MELTF: variants seen among roughly 807,000 people sequenced by gnomAD.
MELTF encodes antigen p97 (melanoma associated) identified by monoclonal antibodies 133.2 and 96.5.
In MELTF, 67 loss-of-function variants were observed where a neutral mutation model predicts 83.7. The ratio of observed to expected loss-of-function variants is 0.80; its 90% CI spans 0.66 to 0.98. MELTF has a LOEUF of 0.98. Ranked by LOEUF, MELTF falls within the 50% of genes least tolerant of loss-of-function variation. MELTF has a pLI of 0.00. For synonymous variants in MELTF, 462 were observed against 447.6 expected (o/e 1.03, Z -0.41); for missense variants, 1,002 against 1,035.6 (o/e 0.97, Z 0.44).
rs79032048 is a variant in MELTF, at chr3:197,008,097, T to C, written c.1750+560A>G. Among the ~76,000 whole-genome samples, 36 of 152,208 alleles carry C rather than the reference T, an allele frequency of 2.4e-4. No individual in the cohort carries two copies. Among genetic ancestry groups the C allele is most frequent in the Non-Finnish European group, 4.6e-4 (31 of 68,000 alleles). Reference sequence around the variant, plus strand: ...GGGAGCGTGTGCTCTGATAGGACCATGTATGTACTGGGGTCCCGGAGCAGA... The same window carrying C: ...GGGAGCGTGTGCTCTGATAGGACCACGTATGTACTGGGGTCCCGGAGCAGA... On this transcript the variant is annotated intron_variant, in intron 13 of 15. Coordinates refer to ENST00000296350, the MANE Select transcript of MELTF (RefSeq NM_005929.6). This position sits in a 1 kb window ranked among gnomAD's most constrained non-coding sequence, Gnocchi z 5.4.
At chr3:197,016,143 G>C in intron 8 of MELTF, 46 bp downstream of exon 8, 1 of 1,451,718 alleles carries the variant, frequency 6.9e-7, no homozygotes, top group Non-Finnish European at 9.1e-7. Flanking sequence ...CATGCCCGAG[G>C]TTGAGCTGGG....
rs143266319 is a variant in MELTF at position 197,024,428 on chromosome 3, A to G, written c.362T>C (p.Ile121Thr). The G allele has an allele frequency of 4.7e-5, 76 of 1,610,260 alleles. 1 individual carries two copies. The highest frequency in any genetic ancestry group is 1.2e-4 in the South Asian group (11 of 90,874). Reference protein sequence around the residue: ...AVVRRSSHVTIDTLKGVKSCH... With the variant: ...AVVRRSSHVTTDTLKGVKSCH... Reference sequence around the variant, plus strand: ...GGACTTCACGCCTTTCAGGGTGTCAATGGTCACATGGGAGCTCCTCCTGAC... The same window carrying G: ...GGACTTCACGCCTTTCAGGGTGTCAGTGGTCACATGGGAGCTCCTCCTGAC... Residue 121 changes from isoleucine to threonine, a missense_variant, in exon 4 of 16, where the codon ATT becomes ACT. Ile to Thr is a moderately conservative substitution (Grantham distance 89, BLOSUM62 -1). Transcript: ENST00000296350. This position sits in a 1 kb window ranked among gnomAD's most constrained non-coding sequence, Gnocchi z 5.3.
At position 197,010,782 on chromosome 3, in the gene MELTF, C is replaced by G; in HGVS notation, c.1246G>C (p.Asp416His). 1.2e-6 allele frequency: 2 copies of G among 1,613,560 alleles called. No homozygotes were observed. Among genetic ancestry groups the G allele is most frequent in the Non-Finnish European group, 1.7e-6 (2 of 1,180,018 alleles). Reference sequence around the variant, plus strand: ...TCCTCGCCACTCAGGGTCACAGCGTCGACCTGCTCAGCCTGAAGGGAATAG... The same window carrying G: ...TCCTCGCCACTCAGGGTCACAGCGTGGACCTGCTCAGCCTGAAGGGAATAG... ...CMERIQAEQV[D>H]AVTLSGEDIY... Residue 416 changes from aspartate (D) to histidine (H), a missense_variant, in exon 10 of 16, where the codon GAC becomes CAC. Asp to His is a moderately conservative substitution (Grantham distance 81). Coordinates refer to ENST00000296350, the MANE Select transcript of MELTF (RefSeq NM_005929.6).
chr3:197,006,397 G>A lies in MELTF; in HGVS notation c.1938+152C>T, dbSNP rs1205789782. Reference sequence around the variant, plus strand: ...CAGGAGGCAGAGGGGACAGTTTCTGGAGGGATGTCCTTGCGTAAGTGAAAA... The same window carrying A: ...CAGGAGGCAGAGGGGACAGTTTCTGAAGGGATGTCCTTGCGTAAGTGAAAA... On this transcript the variant is annotated intron_variant, in intron 14 of 15. Transcript: ENST00000296350. This position sits in a 1 kb window ranked among gnomAD's most constrained non-coding sequence, Gnocchi z 5.4. 1.5e-6 allele frequency: 1 copy of A among 650,796 alleles called. No individual in the cohort carries two copies. Among genetic ancestry groups the A allele is most frequent in the Non-Finnish European group, 2.5e-6 (1 of 401,032 alleles). The allele number at this position is 650,796 out of a possible 1,614,324, so 40.3% of individuals were successfully genotyped here. A position where few individuals can be genotyped will look rare whatever the true frequency, so the allele number is the denominator to read the frequency against.
Position 197,006,789 on chromosome 3 carries a change from G to A in MELTF, c.1751-53C>T. On this transcript the variant is annotated intron_variant, in intron 13 of 15. Transcript: ENST00000296350. The surrounding 1 kb of genome is among the most constrained non-coding windows in gnomAD (Gnocchi z 5.4). ...GGACGTTCCGGGAGTGGAGAGAAGT[G>A]TAAAGAGAAGCTGCTATCCTGGGAC... The A allele has an allele frequency of 7.0e-7, 1 of 1,426,296 alleles. No homozygotes were observed. The highest frequency in any genetic ancestry group is 1.5e-5 in the South Asian group (1 of 64,728). The allele number at this position is 1,426,296 out of a possible 1,614,324, so 88.4% of individuals were successfully genotyped here.
chr3:197,001,758 C>G lies in MELTF; in HGVS notation c.*1614G>C, dbSNP rs966701555. Reference sequence around the variant, plus strand: ...GCAGAAGTTTCTATCAGGGTCCAAGCCTCTGCATGTGCTGGCTTGTTTGGC... The same window carrying G: ...GCAGAAGTTTCTATCAGGGTCCAAGGCTCTGCATGTGCTGGCTTGTTTGGC... On this transcript the variant is annotated 3_prime_UTR_variant, in exon 16 of 16. Transcript: ENST00000296350. 1.3e-5 allele frequency: 2 copies of G among 152,012 alleles called. No homozygotes were observed. Among genetic ancestry groups the G allele is most frequent in the Non-Finnish European group, 2.9e-5 (2 of 68,010 alleles). The allele number at this position is 152,012 out of a possible 1,614,324, so 9.4% of individuals were successfully genotyped here.
chr3:197,015,504 TA>T lies in MELTF; in HGVS notation c.1093del (p.Tyr365ThrfsTer54), dbSNP rs776364538. 5.0e-6 allele frequency: 8 copies of T among 1,610,370 alleles called. No homozygotes were observed. In the South Asian group the frequency reaches 6.6e-5, roughly 13 times the overall value. On this transcript the variant is annotated frameshift_variant, in exon 9 of 16. Transcript: ENST00000296350. LOFTEE classifies it high-confidence loss of function. ...LLCDPNRLPP[Y>X]LRWCVLSTPE... ...AGTGGAGAGCACACACCAGCGCAGG[TA>T]GGGGGGCAGCCCTGGGGTGGGGCAA...
chr3:197,016,121 A>T lies in MELTF; in HGVS notation c.1081+68T>A, dbSNP rs1719361516. 5 of 1,375,828 alleles carry T rather than the reference A, an allele frequency of 3.6e-6. No individual in the cohort carries two copies. The South Asian group carries it at 8.3e-5, about 23-fold the overall frequency. The allele number at this position is 1,375,828 out of a possible 1,614,324, so 85.2% of individuals were successfully genotyped here. A position where few individuals can be genotyped will look rare whatever the true frequency, so the allele number is the denominator to read the frequency against. On this transcript the variant is annotated intron_variant, in intron 8 of 15. Transcript: ENST00000296350. Reference sequence around the variant, plus strand: ...AGCGTCTTCCCCCGGCCACTTTCCCAGAGAGCCTCGCCATGCCCGAGGTTG... The same window carrying T: ...AGCGTCTTCCCCCGGCCACTTTCCCTGAGAGCCTCGCCATGCCCGAGGTTG...
At chr3:197,010,861 G>A (rs1490902710) in intron 9 of MELTF, 67 bp from the exon 10 acceptor site, 2 of 1,440,014 alleles carry the variant, frequency 1.4e-6, no homozygotes, top group Non-Finnish European at 1.9e-6. Context: ...TCGGGGTCCT[G>A]TGGAGGTGGC....
At position 197,024,049 on chromosome 3, in the gene MELTF, T is replaced by C; in HGVS notation, c.487+254A>G. On this transcript the variant is annotated intron_variant, in intron 4 of 15. Transcript: ENST00000296350. The surrounding 1 kb of genome is among the most constrained non-coding windows in gnomAD (Gnocchi z 5.3). ...CTCATGGGCTGGGCCTGTGCCTGGC[T>C]GTGCCATGTGGGACACCACGATGCG... The C allele has an allele frequency of 3.1e-6, 2 of 640,582 alleles. No individual in the cohort carries two copies. The highest frequency in any genetic ancestry group is 5.8e-6 in the Non-Finnish European group (2 of 347,300). 39.7% of individuals were successfully genotyped at this position (640,582 alleles called of 1,614,324 possible).
chr3:197,025,549 G>A (rs958928993), intron 3 of MELTF: 2 of 152,192 alleles, frequency 1.3e-5, no homozygotes, highest in Non-Finnish European at 2.9e-5. Flanking sequence ...GTATTGTTTT[G>A]GGTGTGTTTA....
chr3:197,020,328 T>A (rs923263187), intron 6 of MELTF, among the ~76,000 whole-genome samples: 1 of 152,190 alleles, frequency 6.6e-6, no homozygotes, highest in African/African-American at 2.4e-5. Flanking sequence ...GAATCTGCAA[T>A]ATCGGCTATA....
chr3:197,027,225 G>C (rs944403473), intron 2 of MELTF, among the ~76,000 whole-genome samples: 1 of 152,172 alleles, frequency 6.6e-6, no homozygotes, highest in Non-Finnish European at 1.5e-5. Context: ...GGGGGCATAT[G>C]GGGGGCAGAG....
Position 197,007,768 on chromosome 3 carries a change from C to T in MELTF, c.1750+889G>A, listed in dbSNP as rs1719031989. ...TGGTGACCCCCATAGGAGGCAAGAT[C>T]CAAGTTTTGAAACACTAACTGAGGT... On this transcript the variant is annotated intron_variant, in intron 13 of 15. Coordinates refer to ENST00000296350, the MANE Select transcript of MELTF (RefSeq NM_005929.6). This position sits in a 1 kb window ranked among gnomAD's most constrained non-coding sequence, Gnocchi z 4.3. 6.6e-6 allele frequency among the ~76,000 whole-genome samples: 1 copy of T among 152,224 alleles called. No homozygotes were observed. Among genetic ancestry groups the T allele is most frequent in the African/African-American group, 2.4e-5 (1 of 41,446 alleles).
chr3:197,008,777 C>T lies in MELTF; in HGVS notation c.1682+32G>A, dbSNP rs544848332. 1 of 1,613,950 alleles carries T rather than the reference C, an allele frequency of 6.2e-7. No homozygotes were observed. The highest frequency in any genetic ancestry group is 1.3e-5 in the African/African-American group (1 of 75,060). On this transcript the variant is annotated intron_variant, in intron 12 of 15. Coordinates refer to ENST00000296350, the MANE Select transcript of MELTF (RefSeq NM_005929.6). The surrounding 1 kb of genome is among the most constrained non-coding windows in gnomAD (Gnocchi z 5.4). ...CGGCAGGAGGGTCCCAGCCTCTGCACACAGCCCCAGACTGCCAGGCCACCC... is the reference window on the plus strand; with the variant it reads ...CGGCAGGAGGGTCCCAGCCTCTGCATACAGCCCCAGACTGCCAGGCCACCC...
intron 9 of MELTF, 66 bp downstream of exon 9, chr3:197,015,299 T>A: frequency 6.7e-7 from 1 of 1,493,230 alleles, no homozygotes; most frequent in Non-Finnish European, 9.0e-7. Context: ...GTGTGGGTAG[T>A]AAGAACTGCC....
At chr3:197,012,057 T>G (rs1276943862) in intron 9 of MELTF, among the ~76,000 whole-genome samples, 1 of 152,038 alleles carries the variant, frequency 6.6e-6, no homozygotes, top group Non-Finnish European at 1.5e-5. Context: ...CCGGTGGAGG[T>G]TCCTCTGTCA....
rs1331743332 is a variant in MELTF at position 197,027,480 on chromosome 3, T to C, written c.204+276A>G. ...TGCGGCCACTGAGGGGCCGCCACCA[T>C]CTGGGCCCCCTTGGCAGGGGCCTTG... On this transcript the variant is annotated intron_variant, in intron 2 of 15. Coordinates refer to ENST00000296350, the MANE Select transcript of MELTF (RefSeq NM_005929.6). 2.0e-5 allele frequency among the ~76,000 whole-genome samples: 3 copies of C among 152,302 alleles called. No homozygotes were observed. In the South Asian group the frequency reaches 6.2e-4, roughly 32 times the overall value.
chr3:197,018,918 A>G, intron 6 of MELTF: 1 of 984,200 alleles, frequency 1.0e-6, no homozygotes, highest in Non-Finnish European at 1.2e-6. Context: ...TATTGAGAAG[A>G]CGAATATTAA....
Sources: allele counts gnomAD v4.1 joint callset (sites outside exome capture counted in the v4.1 genomes callset), GRCh38; gene constraint gnomAD v4.1.1; non-coding constraint Gnocchi (gnomAD v3.1); transcripts MANE v1.5; gene names NCBI Gene and HGNC (gene_info 2026-07-23, HGNC 2026-07-21).